Variants in LINC00305 observed in about 807,000 individuals in gnomAD.
LINC00305 encodes long independently transcribed non-coding RNA 305.
At chr18:64,093,043 A>G (rs990837543) in intron 3 of LINC00305, among the ~76,000 whole-genome samples, 2 of 152,190 alleles carry the variant, frequency 1.3e-5, no homozygotes, top group African/African-American at 4.8e-5. Flanking sequence ...CGAGGCACCA[A>G]TGCTTTCGGA....
At chr18:64,093,572 G>T (rs991707401) in intron 3 of LINC00305, among the ~76,000 whole-genome samples, 1 of 152,162 alleles carries the variant, frequency 6.6e-6, no homozygotes, top group African/African-American at 2.4e-5. Context: ...GACCTCAAAT[G>T]ATCCACCTAC....
chr18:64,116,761 T>A (rs1249236827), intron 1 of LINC00305, among the ~76,000 whole-genome samples: 4 of 152,226 alleles, frequency 2.6e-5, no homozygotes, highest in Non-Finnish European at 4.4e-5. Context: ...TTGCAATCTT[T>A]GCTTTGACAG....
intron 1 of LINC00305, among the ~76,000 whole-genome samples, chr18:64,134,320 C>T (rs186916860): frequency 4.6e-5 from 7 of 152,246 alleles, no homozygotes; most frequent in African/African-American, 7.2e-5. Context: ...AAACAGCAGG[C>T]AAATCACAGT....
At chr18:64,096,210 T>C (rs17072550) in intron 3 of LINC00305, among the ~76,000 whole-genome samples, 3,734 of 152,056 alleles carry the variant, frequency 0.025, 154 homozygotes, top group African/African-American at 0.085. Context: ...TATGAAGAAA[T>C]GAAGATTTAG....
intron 1 of LINC00305, among the ~76,000 whole-genome samples, chr18:64,121,068 C>T (rs1471864744): frequency 2.0e-5 from 3 of 151,696 alleles, no homozygotes; most frequent in Non-Finnish European, 4.4e-5. Context: ...TCATCTATTC[C>T]CCTCCAGTAT....
chr18:64,113,410 T>C (rs1026154207), intron 1 of LINC00305, among the ~76,000 whole-genome samples: 1 of 152,190 alleles, frequency 6.6e-6, no homozygotes, highest in Non-Finnish European at 1.5e-5. Flanking sequence ...AGCTATAAAT[T>C]ATTTAATTAT....
At chr18:64,097,666 AG>A (rs2051249992) in intron 3 of LINC00305, among the ~76,000 whole-genome samples, 1 of 152,102 alleles carries the variant, frequency 6.6e-6, no homozygotes, top group Non-Finnish European at 1.5e-5. Context: ...CCGCGTGGTC[AG>A]AAGAGGGAGC....
At chr18:64,098,028 G>A in intron 2 of LINC00305, 1 of 457,266 alleles carries the variant, frequency 2.2e-6, no homozygotes, top group Non-Finnish European at 4.4e-6. Flanking sequence ...GGAGAGCAAG[G>A]TGGCAACAAC....
chr18:64,086,215 A>G (rs1176510413), intron 3 of LINC00305, among the ~76,000 whole-genome samples: 3 of 152,250 alleles, frequency 2.0e-5, no homozygotes, highest in African/African-American at 4.8e-5. Context: ...CATAATAAAT[A>G]TAACTATTCC....
At chr18:64,098,949 A>G (rs1357417740) in intron 1 of LINC00305, among the ~76,000 whole-genome samples, 1 of 152,194 alleles carries the variant, frequency 6.6e-6, no homozygotes, top group African/African-American at 2.4e-5. Flanking sequence ...GGAAGGAGAA[A>G]GACCTGAGGG....
intron 1 of LINC00305, among the ~76,000 whole-genome samples, chr18:64,143,637 T>TATGTACA (rs1199785006): frequency 2.6e-5 from 3 of 115,204 alleles, no homozygotes; most frequent in East Asian, 2.3e-4. Flanking sequence ...TGTACACGTA[T>TATGTACA]TATGTATACA....
intron 1 of LINC00305, among the ~76,000 whole-genome samples, chr18:64,143,633 C>CATAT (rs1568120168): frequency 3.0e-5 from 3 of 99,498 alleles, no homozygotes; most frequent in African/African-American, 1.4e-4. Flanking sequence ...TGTATGTACA[C>CATAT]GTATTATGTA....
chr18:64,103,230 A>C (rs892532294), intron 1 of LINC00305, among the ~76,000 whole-genome samples: 1 of 152,182 alleles, frequency 6.6e-6, no homozygotes, highest in Non-Finnish European at 1.5e-5. Context: ...TGTTGCTACT[A>C]ATCTCCTCTG....
At chr18:64,143,536 T>TA (rs2051475116) in intron 1 of LINC00305, among the ~76,000 whole-genome samples, 1 of 121,958 alleles carries the variant, frequency 8.2e-6, no homozygotes, top group African/African-American at 3.3e-5. Context: ...TATGTGTACA[T>TA]ATATATGTAC....
chr18:64,105,037 T>A (rs2051284198), intron 1 of LINC00305, among the ~76,000 whole-genome samples: 1 of 151,886 alleles, frequency 6.6e-6, no homozygotes. Flanking sequence ...CCCCTCTCTT[T>A]ACCTCCTCCA....
intron 1 of LINC00305, among the ~76,000 whole-genome samples, chr18:64,129,207 T>C (rs1184085358): frequency 6.6e-6 from 1 of 152,186 alleles, no homozygotes; most frequent in East Asian, 1.9e-4. Flanking sequence ...GTTTTCTTTT[T>C]ACTTTGACTT....
At chr18:64,127,956 G>T (rs2051392663) in intron 1 of LINC00305, among the ~76,000 whole-genome samples, 1 of 152,072 alleles carries the variant, frequency 6.6e-6, no homozygotes, top group Non-Finnish European at 1.5e-5. Flanking sequence ...GAGGGAGGTT[G>T]ATTTCAGTTT....
At chr18:64,135,622 G>A (rs1219737508) in intron 1 of LINC00305, among the ~76,000 whole-genome samples, 1 of 152,248 alleles carries the variant, frequency 6.6e-6, no homozygotes, top group South Asian at 2.1e-4. Context: ...GTCTCGCTCT[G>A]TTGCCCAGGC....
At chr18:64,117,704 G>A (rs2051343866) in intron 1 of LINC00305, among the ~76,000 whole-genome samples, 1 of 152,180 alleles carries the variant, frequency 6.6e-6, no homozygotes, top group Non-Finnish European at 1.5e-5. Context: ...TCAAGTGCAT[G>A]TAACGGTACA....
Sources: gnomAD v4.1 joint callset for allele counts (sites outside exome capture counted in the v4.1 genomes callset) on GRCh38, gnomAD v4.1.1 for gene constraint, MANE v1.5 for transcripts, NCBI Gene and HGNC (gene_info 2026-07-23, HGNC 2026-07-21) for gene names.